DMD: variants seen among roughly 807,000 people sequenced by gnomAD.
DMD encodes mutant dystrophin.
Under a neutral mutation model 330.1 loss-of-function variants are expected in DMD, and 63 were observed. The observed-to-expected ratio is 0.19, with a 90% CI of 0.16 to 0.24. The LOEUF (loss-of-function observed/expected upper bound fraction) is 0.24, where lower values mean the gene tolerates loss of function less well. DMD is among the 10% of genes least tolerant of loss of function. The probability of loss-of-function intolerance (pLI) is 1.00; values close to 1 mark genes in which losing one functional copy is unlikely to be tolerated. For missense variants in DMD, 3,344 were observed against 2,684.1 expected (o/e 1.25, Z -5.43); for synonymous variants, 1,223 against 959.8 (o/e 1.27, Z -5.07).
At chrX:32,887,047 T>C (rs1444136141) in intron 2 of DMD, among the ~76,000 whole-genome samples, 1 of 111,991 alleles carries the variant, frequency 8.9e-6, no homozygotes, top group Admixed American at 9.5e-5. Context: ...ATTGGGAATA[T>C]TAATAATTGG....
intron 12 of DMD, 120 bp downstream of exon 12, chrX:32,614,183 T>C: frequency 4.0e-6 from 3 of 759,490 alleles, no homozygotes; most frequent in Non-Finnish European, 3.8e-6. Flanking sequence ...ATTTTTAAAA[T>C]ATGGCTGACT....
chrX:32,267,994 A>G (rs1233212304), intron 43 of DMD, among the ~76,000 whole-genome samples: 9 of 112,387 alleles, frequency 8.0e-5, no homozygotes, highest in Non-Finnish European at 1.7e-4. Flanking sequence ...CAAGTAAGTC[A>G]ATAAGGAAGA....
chrX:32,333,506 A>C (rs2097690873), intron 41 of DMD, among the ~76,000 whole-genome samples: 1 of 111,534 alleles, frequency 9.0e-6, no homozygotes, highest in Non-Finnish European at 1.9e-5. Context: ...AGTATTTAAA[A>C]TTATTTCTTT....
chrX:32,783,135 G>GTATA (rs200400820), intron 7 of DMD, among the ~76,000 whole-genome samples: 2 of 95,391 alleles, frequency 2.1e-5, no homozygotes, highest in African/African-American at 3.8e-5. Flanking sequence ...ATACATATAT[G>GTATA]TATATATATA....
intron 1 of DMD, among the ~76,000 whole-genome samples, chrX:33,304,220 A>G (rs955754131): frequency 3.6e-5 from 4 of 111,457 alleles, no homozygotes. Context: ...AAACAGAGAT[A>G]CAGATCAATG....
At position 32,704,219 on chromosome X, in the gene DMD, T is replaced by C. The variant is rs374096869; in HGVS notation, c.650-4926A>G. ...TCAAAATCAGATTAGAAACCAGTCA[T>C]TGCACTACACTGCCATGGTACCTTA... On this transcript the variant is annotated intron_variant, in intron 7 of 78. Transcript: ENST00000357033. Among the ~76,000 whole-genome samples, 5 of 99,789 alleles carry C rather than the reference T, an allele frequency of 5.0e-5. No individual in the cohort carries two copies. The East Asian group carries it at 1.4e-3, about 28-fold the overall frequency. The allele number at this position is 99,789 out of a possible 115,157, so 86.7% of individuals were successfully genotyped here.
intron 2 of DMD, among the ~76,000 whole-genome samples, chrX:32,935,848 G>A (rs1259593057): frequency 2.7e-5 from 3 of 111,029 alleles, no homozygotes; most frequent in South Asian, 3.8e-4. Flanking sequence ...GATCACTGTC[G>A]CCTCACCTTC....
intron 64 of DMD, among the ~76,000 whole-genome samples, chrX:31,211,002 C>A (rs62590133): frequency 8.9e-6 from 1 of 112,125 alleles, no homozygotes; most frequent in African/African-American, 3.2e-5. Flanking sequence ...GCACTCCTCC[C>A]TTGGAAGGGA....
At chrX:33,228,590 C>A (rs2052333449) in intron 1 of DMD, among the ~76,000 whole-genome samples, 1 of 109,925 alleles carries the variant, frequency 9.1e-6, no homozygotes, top group Non-Finnish European at 1.9e-5. Flanking sequence ...AAATATAATA[C>A]ATTTTTAAAT....
chrX:31,562,054 T>C (rs1053101205), intron 55 of DMD, among the ~76,000 whole-genome samples: 1 of 112,242 alleles, frequency 8.9e-6, no homozygotes, highest in Admixed American at 9.4e-5. Context: ...ATTTTATCTT[T>C]TTTATTTTAA....
chrX:32,470,478 A>C (rs1474878462), intron 22 of DMD, among the ~76,000 whole-genome samples: 1 of 111,116 alleles, frequency 9.0e-6, no homozygotes, highest in Non-Finnish European at 1.9e-5. Context: ...TAGTTAATAC[A>C]TTTCCCAATA....
At position 32,888,904 on chromosome X, in the gene DMD, G is replaced by A. The variant is rs747896944; in HGVS notation, c.94-39084C>T. ...TGGAGTTTTCAAATTCTCAAGTCCAGGCACGGAAAATTATAATTTTTTTTT... is the reference window on the plus strand; with the variant it reads ...TGGAGTTTTCAAATTCTCAAGTCCAAGCACGGAAAATTATAATTTTTTTTT... On this transcript the variant is annotated intron_variant, in intron 2 of 78. Transcript: ENST00000357033. Among the ~76,000 whole-genome samples, 3 of 110,627 alleles carry A rather than the reference G, an allele frequency of 2.7e-5. No individual in the cohort carries two copies. The East Asian group carries it at 8.7e-4, about 32-fold the overall frequency.
At chrX:31,139,474 TACACACACACAC>T (rs57784155) in intron 76 of DMD, among the ~76,000 whole-genome samples, 2,162 of 98,570 alleles carry the variant, frequency 0.022, 50 homozygotes, top group African/African-American at 0.066. Context: ...GGTGTTTATA[TACACACACACAC>T]ACACACACAC....
intron 11 of DMD, among the ~76,000 whole-genome samples, chrX:32,627,954 CAT>C (rs2058462968): frequency 9.1e-6 from 1 of 110,232 alleles, no homozygotes; most frequent in African/African-American, 3.3e-5. Flanking sequence ...ATACAAGAGA[CAT>C]ATTCATACAG....
intron 41 of DMD, among the ~76,000 whole-genome samples, chrX:32,328,058 C>G (rs1276367556): frequency 9.0e-6 from 1 of 111,163 alleles, no homozygotes; most frequent in African/African-American, 3.3e-5. Context: ...TTGTCAATCA[C>G]AAATAATTAT....
At chrX:32,704,908 GAAGTA>G (rs1288418302) in intron 7 of DMD, among the ~76,000 whole-genome samples, 1 of 112,140 alleles carries the variant, frequency 8.9e-6, no homozygotes, top group Non-Finnish European at 1.9e-5. Flanking sequence ...CAAAGTGCTG[GAAGTA>G]AAGTGGATTA....
intron 2 of DMD, among the ~76,000 whole-genome samples, chrX:32,937,168 A>T (rs915010308): frequency 2.7e-5 from 3 of 111,038 alleles, no homozygotes; most frequent in African/African-American, 9.8e-5. Flanking sequence ...AAGGGTTAAG[A>T]GGAAGGACGT....
intron 63 of DMD, among the ~76,000 whole-genome samples, chrX:31,230,224 A>G (rs777397790): frequency 7.1e-5 from 8 of 112,411 alleles, no homozygotes; most frequent in African/African-American, 9.7e-5. Flanking sequence ...ATAAACAGGA[A>G]TTATGCATTC....
At chrX:31,504,122 G>C (rs2070701174) in intron 56 of DMD, among the ~76,000 whole-genome samples, 1 of 111,292 alleles carries the variant, frequency 9.0e-6, no homozygotes, top group African/African-American at 3.3e-5. Flanking sequence ...TTGAAGCTTT[G>C]AACAAAAGAG....
Sources: allele counts gnomAD v4.1 joint callset (sites outside exome capture counted in the v4.1 genomes callset), GRCh38; gene constraint gnomAD v4.1.1; transcripts MANE v1.5; gene names NCBI Gene and HGNC (gene_info 2026-07-23, HGNC 2026-07-21).